The following CLASP2 variants were observed in gnomAD, a reference collection of about 807,000 sequenced individuals.
CLASP2 encodes cytoplasmic linker associated protein 2, also known as CLIP-associating protein 2.
Under a neutral mutation model 194.4 loss-of-function variants are expected in CLASP2, and 47 were observed. That is an observed-to-expected ratio of 0.24 (90% confidence interval 0.19 to 0.31). CLASP2 has a LOEUF of 0.31. CLASP2 is among the 10% of genes least tolerant of loss of function. CLASP2 has a pLI of 1.00. For synonymous variants in CLASP2, 619 were observed against 633.5 expected (o/e 0.98, Z 0.34); for missense variants, 1,445 against 1,823.6 (o/e 0.79, Z 3.78).
At position 33,607,480 on chromosome 3, in the gene CLASP2, C is replaced by A; in HGVS notation, c.1449-19G>T. On this transcript the variant is annotated intron_variant, in intron 14 of 38. Coordinates refer to ENST00000682230, the MANE Select transcript of CLASP2 (RefSeq NM_001365631.1). ...TGCATGTCTATAAAATAAAATACAT[C>A]TTTAGAGTTATGATATAGCTGTATG... 6.4e-7 allele frequency: 1 copy of A among 1,554,384 alleles called. No individual in the cohort carries two copies. The highest frequency in any genetic ancestry group is 8.8e-7 in the Non-Finnish European group (1 of 1,138,750).
chr3:33,635,309 A>G (rs1466765057), intron 8 of CLASP2, among the ~76,000 whole-genome samples: 1 of 152,118 alleles, frequency 6.6e-6, no homozygotes, highest in Non-Finnish European at 1.5e-5. Flanking sequence ...ACGGAGAGAT[A>G]TTGCAGGCTC....
At chr3:33,633,195 A>G (rs941154053) in intron 8 of CLASP2, among the ~76,000 whole-genome samples, 1 of 152,188 alleles carries the variant, frequency 6.6e-6, no homozygotes, top group Admixed American at 6.5e-5. Context: ...GCCATCACAC[A>G]GCACCAACTA....
At chr3:33,602,921 T>A (rs961324847) in intron 18 of CLASP2, 31 bp downstream of exon 18, 7 of 1,585,712 alleles carry the variant, frequency 4.4e-6, no homozygotes, top group Non-Finnish European at 6.0e-6. Context: ...GGAGAGAACA[T>A]GGTACAATTT....
intron 29 of CLASP2, among the ~76,000 whole-genome samples, chr3:33,557,750 C>G (rs2061209040): frequency 6.6e-6 from 1 of 152,176 alleles, no homozygotes. Context: ...CTGCAGGTCA[C>G]TTTTCAAAAT....
intron 37 of CLASP2, chr3:33,502,082 A>G: frequency 4.5e-6 from 1 of 222,098 alleles, no homozygotes; most frequent in Non-Finnish European, 8.9e-6. Context: ...TAACTTTCCT[A>G]AAGCATTAGG....
chr3:33,620,610 G>C (rs1270804061), intron 11 of CLASP2, among the ~76,000 whole-genome samples: 1 of 152,150 alleles, frequency 6.6e-6, no homozygotes, highest in Non-Finnish European at 1.5e-5. Context: ...GGGAGGTGTG[G>C]ATATGTTTGG....
intron 34 of CLASP2, among the ~76,000 whole-genome samples, chr3:33,533,820 C>T (rs1172702139): frequency 2.0e-5 from 3 of 152,092 alleles, no homozygotes; most frequent in East Asian, 1.9e-4. Flanking sequence ...GGAGTTCAAG[C>T]GATTCTCCTG....
intron 12 of CLASP2, among the ~76,000 whole-genome samples, chr3:33,616,614 C>T (rs193058211): frequency 7.9e-5 from 12 of 152,006 alleles, no homozygotes; most frequent in African/African-American, 2.9e-4. Flanking sequence ...CAGGAAATTT[C>T]CATAATCTAA....
intron 1 of CLASP2, among the ~76,000 whole-genome samples, chr3:33,713,259 T>C (rs2154358824): frequency 1.3e-5 from 2 of 152,288 alleles, no homozygotes; most frequent in African/African-American, 4.8e-5. Flanking sequence ...AGATATTATC[T>C]ATAAATTTTA....
intron 27 of CLASP2, among the ~76,000 whole-genome samples, chr3:33,561,310 A>G (rs1218554424): frequency 1.3e-5 from 2 of 152,212 alleles, no homozygotes; most frequent in Non-Finnish European, 2.9e-5. Context: ...AATGTAGGGG[A>G]AAAAAACTAT....
intron 10 of CLASP2, among the ~76,000 whole-genome samples, chr3:33,625,920 C>G (rs1163875807): frequency 6.6e-6 from 1 of 151,962 alleles, no homozygotes; most frequent in East Asian, 1.9e-4. Flanking sequence ...AAAAGACCAT[C>G]TGTTGTTTCC....
rs948942701 is a variant in CLASP2, at chr3:33,661,781, A to G, written c.715+1664T>C. ...TACATACTGGGAATCATTAGCAAAG[A>G]GTTATCATTTAAAGCCTTTGAGTGG... On this transcript the variant is annotated intron_variant, in intron 7 of 38. Transcript: ENST00000682230. Among the ~76,000 whole-genome samples, 13 of 152,300 alleles carry G rather than the reference A, an allele frequency of 8.5e-5. No homozygotes were observed. The East Asian group carries it at 9.7e-4, about 11-fold the overall frequency.
chr3:33,541,910 C>G (rs1011324405), intron 32 of CLASP2, among the ~76,000 whole-genome samples: 1 of 152,160 alleles, frequency 6.6e-6, no homozygotes, highest in African/African-American at 2.4e-5. Context: ...TGAGGAATTG[C>G]CACACTATCT....
chr3:33,574,549 T>G, intron 24 of CLASP2: 1 of 1,145,440 alleles, frequency 8.7e-7, no homozygotes, highest in African/African-American at 1.5e-5. Flanking sequence ...AAGAACATTT[T>G]GCTAATCAGC....
chr3:33,554,278 A>G (rs2154168060), intron 29 of CLASP2, among the ~76,000 whole-genome samples: 1 of 152,140 alleles, frequency 6.6e-6, no homozygotes, highest in Admixed American at 6.5e-5. Flanking sequence ...AATGGTTGTA[A>G]AGATAAAGAA....
intron 21 of CLASP2, among the ~76,000 whole-genome samples, chr3:33,587,157 GCT>G (rs1453695091): frequency 6.6e-6 from 1 of 150,694 alleles, no homozygotes; most frequent in Admixed American, 6.6e-5. Flanking sequence ...TCGGAGTCTT[GCT>G]CTGTCGCCCA....
chr3:33,694,963 G>A (rs564189957), intron 2 of CLASP2, among the ~76,000 whole-genome samples: 8 of 149,326 alleles, frequency 5.4e-5, no homozygotes, highest in Admixed American at 1.3e-4. Flanking sequence ...AACAAAGGAA[G>A]GAAAGAAAAT....
intron 6 of CLASP2, among the ~76,000 whole-genome samples, chr3:33,679,286 GAAGAT>G (rs751527654): frequency 7.0e-4 from 107 of 152,100 alleles, no homozygotes; most frequent in Non-Finnish European, 1.4e-3. Flanking sequence ...GAAACTATTA[GAAGAT>G]AACATAGGAG....
At chr3:33,712,691 G>A (rs944659381) in intron 1 of CLASP2, among the ~76,000 whole-genome samples, 18 of 152,092 alleles carry the variant, frequency 1.2e-4, no homozygotes, top group African/African-American at 4.3e-4. Context: ...AGCCGGGCAC[G>A]GTGGTTCACG....
Sources: allele counts gnomAD v4.1 joint callset (sites outside exome capture counted in the v4.1 genomes callset), GRCh38; gene constraint gnomAD v4.1.1; transcripts MANE v1.5; gene names NCBI Gene and HGNC (gene_info 2026-07-23, HGNC 2026-07-21).